FBRSL1: variants seen among roughly 807,000 people sequenced by gnomAD.
The protein encoded by FBRSL1 is fibrosin like 1.
A neutral mutation model predicts 89.6 loss-of-function variants in FBRSL1; 51 were observed. The ratio of observed to expected loss-of-function variants is 0.57; its 90% CI spans 0.45 to 0.72. The LOEUF (loss-of-function observed/expected upper bound fraction) is 0.72. Among genes scored for constraint, FBRSL1 ranks in the 30% least tolerant of loss-of-function variants. The pLI, the probability that FBRSL1 is intolerant of heterozygous loss-of-function variation, is 0.00. For synonymous variants in FBRSL1, 779 were observed against 681.1 expected (o/e 1.14, Z -2.24); for missense variants, 1,618 against 1,451.8 (o/e 1.11, Z -1.86).
At chr12:132,522,946 G>A (rs1408111613) in intron 2 of FBRSL1, among the ~76,000 whole-genome samples, 1 of 152,198 alleles carries the variant, frequency 6.6e-6, no homozygotes, top group Admixed American at 6.5e-5. Context: ...CAGGGGCTTG[G>A]GTCGGCTCTG....
chr12:132,501,346 C>T (rs1048251058), intron 1 of FBRSL1, among the ~76,000 whole-genome samples: 1 of 152,184 alleles, frequency 6.6e-6, no homozygotes. Context: ...TTTAGCGACA[C>T]CTGGCTAGCG....
At chr12:132,572,055 T>G in intron 9 of FBRSL1, 1 of 569,178 alleles carries the variant, frequency 1.8e-6, no homozygotes, top group East Asian at 2.9e-5. Flanking sequence ...GGGGCCGAGT[T>G]CCCACCCCAT....
At chr12:132,517,585 G>A (rs903172235) in intron 2 of FBRSL1, among the ~76,000 whole-genome samples, 10 of 152,250 alleles carry the variant, frequency 6.6e-5, no homozygotes, top group African/African-American at 2.4e-4. Context: ...CTGAGTGTGA[G>A]CACAGCTGTG....
At chr12:132,555,947 C>T (rs754398874) in intron 5 of FBRSL1, among the ~76,000 whole-genome samples, 33 of 152,110 alleles carry the variant, frequency 2.2e-4, no homozygotes, top group Non-Finnish European at 3.7e-4. Context: ...TTCCAGGAGG[C>T]GCTGCCATCC....
rs1286282654 is a variant in FBRSL1 at position 132,490,273 on chromosome 12, C to A, written c.-298C>A. The A allele has an allele frequency of 7.0e-6, 1 of 143,062 alleles. No homozygotes were observed. Among genetic ancestry groups the A allele is most frequent in the African/African-American group, 2.5e-5 (1 of 39,660 alleles). The allele number at this position is 143,062 out of a possible 1,614,324, so 8.9% of individuals were successfully genotyped here. ...CCCCGCCCGCTCGGCCCGATCGCCG[C>A]GCCGCGCGCATGGGGCGCGCCCCCG... On this transcript the variant is annotated 5_prime_UTR_variant, in exon 1 of 19. Coordinates refer to ENST00000680143, the MANE Select transcript of FBRSL1 (RefSeq NM_001367871.1).
chr12:132,527,025 GC>G (rs2035843706), intron 3 of FBRSL1, among the ~76,000 whole-genome samples: 1 of 152,156 alleles, frequency 6.6e-6, no homozygotes, highest in Non-Finnish European at 1.5e-5. Flanking sequence ...GGTGTGGGGG[GC>G]CCCTAGCTGC....
intron 4 of FBRSL1, among the ~76,000 whole-genome samples, chr12:132,536,797 GTAT>G (rs1366354269): frequency 6.6e-6 from 1 of 152,186 alleles, no homozygotes; most frequent in Non-Finnish European, 1.5e-5. Flanking sequence ...ATGTGAAAGT[GTAT>G]TGTTATGTGT....
At chr12:132,511,832 G>A (rs930037095) in intron 2 of FBRSL1, 10 of 983,546 alleles carry the variant, frequency 1.0e-5, no homozygotes, top group African/African-American at 3.5e-5. Context: ...GGGCCCCCTC[G>A]CTCCCCACCC....
chr12:132,568,225 G>C (rs865812260), intron 6 of FBRSL1, among the ~76,000 whole-genome samples: 4 of 152,206 alleles, frequency 2.6e-5, no homozygotes, highest in Non-Finnish European at 4.4e-5. Flanking sequence ...GCAGGGCCAC[G>C]GGGTCTCGGC....
At chr12:132,578,838 G>A (rs10870474) in intron 15 of FBRSL1, among the ~76,000 whole-genome samples, 105,824 of 152,212 alleles carry the variant, frequency 0.7, 36,977 homozygotes, top group East Asian at 0.83. Context: ...GGTGATGGGC[G>A]TGCCCAGCAG....
Position 132,583,007 on chromosome 12 carries a change from C to G in FBRSL1, c.2238C>G (p.Ala746=), listed in dbSNP as rs2040887846. Residue 746 remains alanine (A), a synonymous_variant, in exon 19 of 19, where the codon GCC becomes GCG. Coordinates refer to ENST00000680143, the MANE Select transcript of FBRSL1 (RefSeq NM_001367871.1). ...LLEKTRLLSR[A]SPATPAGHPV... ...AGAAGACGCGCCTGCTGAGCCGGGC[C>G]TCGCCCGCCACCCCCGCTGGCCACC... 53 of 1,455,518 alleles carry G rather than the reference C, an allele frequency of 3.6e-5. No homozygotes were observed. The highest frequency in any genetic ancestry group is 4.8e-5 in the Non-Finnish European group (53 of 1,111,504). 90.2% of individuals were successfully genotyped at this position (1,455,518 alleles called of 1,614,324 possible).
chr12:132,510,122 A>T lies in FBRSL1; in HGVS notation c.489+1772A>T, dbSNP rs35779197. 0.08 allele frequency: 98,352 copies of T among 1,227,534 alleles called. 3,407 individuals carry two copies. Among genetic ancestry groups the T allele is most frequent in the South Asian group, 0.13 (3,263 of 24,178 alleles). The allele number at this position is 1,227,534 out of a possible 1,614,324, so 76.0% of individuals were successfully genotyped here. ...TCATGGGCCCGGAGCAGCCCTGCCCACCCAAGCGGCCGCTCATGGGCCCAG... is the reference window on the plus strand; with the variant it reads ...TCATGGGCCCGGAGCAGCCCTGCCCTCCCAAGCGGCCGCTCATGGGCCCAG... On this transcript the variant is annotated intron_variant, in intron 2 of 18. Coordinates refer to ENST00000680143, the MANE Select transcript of FBRSL1 (RefSeq NM_001367871.1).
At position 132,499,955 on chromosome 12, in the gene FBRSL1, C is replaced by T. The variant is rs1025249970; in HGVS notation, c.292-8198C>T. Reference sequence around the variant, plus strand: ...GGGTTCCCCAGAGCTGTGCTGGCGTCAGGGAGGAGGCTGGGTGGGCTACTG... The same window carrying T: ...GGGTTCCCCAGAGCTGTGCTGGCGTTAGGGAGGAGGCTGGGTGGGCTACTG... On this transcript the variant is annotated intron_variant, in intron 1 of 18. Coordinates refer to ENST00000680143, the MANE Select transcript of FBRSL1 (RefSeq NM_001367871.1). The surrounding 1 kb of genome is among the most constrained non-coding windows in gnomAD (Gnocchi z 4.3). Among the ~76,000 whole-genome samples, 1 of 152,062 alleles carries T rather than the reference C, an allele frequency of 6.6e-6. No individual in the cohort carries two copies. The highest frequency in any genetic ancestry group is 1.5e-5 in the Non-Finnish European group (1 of 67,984).
chr12:132,508,294 G>A lies in FBRSL1; in HGVS notation c.433G>A (p.Asp145Asn), dbSNP rs199587325. The A allele has an allele frequency of 1.7e-5, 27 of 1,549,532 alleles. No individual in the cohort carries two copies. The East Asian group carries it at 6.6e-4, about 38-fold the overall frequency. ...CCTGGAGGCAGGCAGCCCCGGGCAG[G>A]ACCTCGAACCCGCCTGCGATGGGGC... Reference protein sequence around the residue: ...RPLEAGSPGQDLEPACDGARK... With the variant: ...RPLEAGSPGQNLEPACDGARK... The change falls in exon 2 of 19, where the codon GAC becomes AAC. Residue 145 changes from aspartate (D) to asparagine (N), a missense_variant. By Grantham distance (23) the Asp-to-Asn change is conservative. Transcript: ENST00000680143.
chr12:132,571,482 C>T, intron 9 of FBRSL1: 1 of 1,548,436 alleles, frequency 6.5e-7, no homozygotes, highest in Non-Finnish European at 8.7e-7. Context: ...TCGCCCCCTT[C>T]CCCGCAGGGC....
At chr12:132,510,436 C>T (rs1438857885) in intron 2 of FBRSL1, 4 of 1,232,128 alleles carry the variant, frequency 3.2e-6, no homozygotes, top group Non-Finnish European at 4.0e-6. Context: ...TCTGTGAGCC[C>T]TGGAGCCTGA....
chr12:132,526,765 T>C (rs1365359801), intron 3 of FBRSL1, among the ~76,000 whole-genome samples: 1 of 152,054 alleles, frequency 6.6e-6, no homozygotes, highest in African/African-American at 2.4e-5. Flanking sequence ...TGCCCCCCAC[T>C]CCTCAGGGGG....
chr12:132,497,189 A>G (rs914574970), intron 1 of FBRSL1, among the ~76,000 whole-genome samples: 3 of 152,226 alleles, frequency 2.0e-5, no homozygotes, highest in Admixed American at 6.5e-5. Context: ...GCACCTGGAC[A>G]GAATACTCGG....
chr12:132,502,676 C>G (rs1359187119), intron 1 of FBRSL1, among the ~76,000 whole-genome samples: 1 of 151,944 alleles, frequency 6.6e-6, no homozygotes, highest in African/African-American at 2.4e-5. Context: ...AGTCCTCACA[C>G]CAGCCTGCCC....
Sources: gnomAD v4.1 joint callset for allele counts (sites outside exome capture counted in the v4.1 genomes callset) on GRCh38, gnomAD v4.1.1 for gene constraint, Gnocchi (gnomAD v3.1) non-coding constraint, MANE v1.5 for transcripts, NCBI Gene and HGNC (gene_info 2026-07-23, HGNC 2026-07-21) for gene names.